The following ST3GAL5 variants were observed in gnomAD, a reference collection of about 807,000 sequenced individuals.
ST3GAL5 encodes the protein ST3 beta-galactoside alpha-2,3-sialyltransferase 5.
In ST3GAL5, 25 loss-of-function variants were observed where a neutral mutation model predicts 46.1. The observed-to-expected ratio is 0.54, with a 90% CI of 0.40 to 0.76. ST3GAL5 has a LOEUF of 0.76. Among genes scored for constraint, ST3GAL5 ranks in the 30% least tolerant of loss-of-function variants. ST3GAL5 has a pLI of 0.00. For synonymous variants in ST3GAL5, 182 were observed against 192.7 expected (o/e 0.94, Z 0.46); for missense variants, 431 against 521.2 (o/e 0.83, Z 1.69).
At chr2:85,888,791 C>A (rs1688062903) in intron 1 of ST3GAL5, 33 bp downstream of exon 1, 10 of 1,189,190 alleles carry the variant, frequency 8.4e-6, no homozygotes, top group Non-Finnish European at 1.0e-5. Flanking sequence ...CCGCGGGCCC[C>A]CGCGACGCCG....
At chr2:85,861,584 T>C (rs894979642) in intron 2 of ST3GAL5, among the ~76,000 whole-genome samples, 1 of 144,376 alleles carries the variant, frequency 6.9e-6, no homozygotes, top group Non-Finnish European at 1.5e-5. Flanking sequence ...AATCAAGTAA[T>C]AGACTTGAAC....
At chr2:85,842,240 G>A (rs187432098) in intron 6 of ST3GAL5, among the ~76,000 whole-genome samples, 1 of 152,236 alleles carries the variant, frequency 6.6e-6, no homozygotes, top group East Asian at 1.9e-4. Flanking sequence ...TTAACACAAA[G>A]GACACTTTCC....
intron 4 of ST3GAL5, 64 bp downstream of exon 4, chr2:85,847,797 A>AAAAAT (rs1682987353): frequency 6.4e-7 from 1 of 1,565,830 alleles, no homozygotes; most frequent in Non-Finnish European, 8.6e-7. Flanking sequence ...CCCTGCCTCA[A>AAAAAT]AAAATAAAAT....
chr2:85,851,683 CGAGT>C, intron 3 of ST3GAL5: 1 of 1,289,362 alleles, frequency 7.8e-7, no homozygotes, highest in Non-Finnish European at 1.0e-6. Context: ...TGCCTCAAGG[CGAGT>C]GCCGCACCTT....
intron 1 of ST3GAL5, among the ~76,000 whole-genome samples, chr2:85,870,699 G>A (rs185582075): frequency 3.3e-4 from 49 of 146,882 alleles, no homozygotes; most frequent in African/African-American, 1.1e-3. Context: ...TTTTTGAGAC[G>A]GAGTTTCGCT....
At chr2:85,869,003 G>C (rs111228120) in intron 1 of ST3GAL5, among the ~76,000 whole-genome samples, 6 of 152,158 alleles carry the variant, frequency 3.9e-5, no homozygotes, top group Non-Finnish European at 5.9e-5. Flanking sequence ...TAGGCGTAGA[G>C]GCATCTGGAA....
intron 6 of ST3GAL5, among the ~76,000 whole-genome samples, chr2:85,843,083 A>C (rs1682348573): frequency 6.6e-6 from 1 of 152,096 alleles, no homozygotes; most frequent in South Asian, 2.1e-4. Flanking sequence ...TTATTTTCTC[A>C]CTTAATATAC....
At chr2:85,871,381 T>C (rs1685908292) in intron 1 of ST3GAL5, among the ~76,000 whole-genome samples, 1 of 152,232 alleles carries the variant, frequency 6.6e-6, no homozygotes, top group African/African-American at 2.4e-5. Flanking sequence ...TTTCTGTATT[T>C]TCAATAATTC....
At chr2:85,870,059 A>T (rs1685749896) in intron 1 of ST3GAL5, 2 of 385,242 alleles carry the variant, frequency 5.2e-6, no homozygotes, top group African/African-American at 4.2e-5. Flanking sequence ...AACTACAGAC[A>T]TGCCCTACTT....
At chr2:85,844,599 G>C (rs911070381) in intron 5 of ST3GAL5, 45 bp from the exon 6 acceptor site, 1 of 1,611,832 alleles carries the variant, frequency 6.2e-7, no homozygotes, top group Non-Finnish European at 8.5e-7. Flanking sequence ...TTCTAGGGGA[G>C]GGGAGAAAGC....
At chr2:85,857,616 A>G (rs1226655731) in intron 3 of ST3GAL5, among the ~76,000 whole-genome samples, 1 of 152,066 alleles carries the variant, frequency 6.6e-6, no homozygotes, top group African/African-American at 2.4e-5. Flanking sequence ...GTGTGCCTAA[A>G]ATACATAGAG....
At chr2:85,886,988 A>G (rs1172248084) in intron 1 of ST3GAL5, among the ~76,000 whole-genome samples, 2 of 152,110 alleles carry the variant, frequency 1.3e-5, no homozygotes, top group African/African-American at 4.8e-5. Flanking sequence ...GCTCCTCAGG[A>G]GCCAGGAGGG....
At chr2:85,880,760 G>T (rs1342736992) in intron 1 of ST3GAL5, 1 of 444,156 alleles carries the variant, frequency 2.3e-6, no homozygotes, top group Non-Finnish European at 4.4e-6. Flanking sequence ...GGAGGCTGAG[G>T]TTGCAGTGAG....
At chr2:85,842,848 G>T (rs372228080) in intron 6 of ST3GAL5, among the ~76,000 whole-genome samples, 1 of 150,046 alleles carries the variant, frequency 6.7e-6, no homozygotes, top group African/African-American at 2.5e-5. Flanking sequence ...TGCAACCTCC[G>T]CCTCCCAGGT....
At chr2:85,874,935 T>C (rs1436531471) in intron 1 of ST3GAL5, among the ~76,000 whole-genome samples, 2 of 152,010 alleles carry the variant, frequency 1.3e-5, no homozygotes, top group Non-Finnish European at 2.9e-5. Context: ...ACCAGGCAGA[T>C]GGAAAACAGG....
In ST3GAL5 at chr2:85,848,519, G is replaced by T. The variant is rs1683100509; in HGVS notation, c.319-315C>A. The stretch of plus-strand genomic sequence containing the variant: ...ATTTGGGGTGAAAATGTACTTCGGG[G>T]TGTCTAAGACTTCATGTTTCATAAA... On this transcript the variant is annotated intron_variant, in intron 3 of 6. Transcript: ENST00000638572. The T allele has an allele frequency of 1.7e-5, 13 of 772,478 alleles. No individual in the cohort carries two copies. The South Asian group carries it at 1.8e-4, about 11-fold the overall frequency. 47.9% of individuals were successfully genotyped at this position (772,478 alleles called of 1,614,324 possible).
chr2:85,844,586 TC>T, intron 5 of ST3GAL5, 32 bp from the exon 6 acceptor site: 2 of 1,613,548 alleles, frequency 1.2e-6, no homozygotes, highest in East Asian at 2.2e-5. Context: ...TTGTTAGTCA[TC>T]CTTCTAGGGG....
At chr2:85,867,931 A>G (rs576772114) in intron 1 of ST3GAL5, 4 of 419,316 alleles carry the variant, frequency 9.5e-6, no homozygotes, top group African/African-American at 6.0e-5. Context: ...CCTCCACAGT[A>G]TAAGAGTTTG....
chr2:85,875,020 A>T (rs1410001095), intron 1 of ST3GAL5, among the ~76,000 whole-genome samples: 1 of 152,026 alleles, frequency 6.6e-6, no homozygotes, highest in African/African-American at 2.4e-5. Flanking sequence ...ATATAAAATG[A>T]CTGTCTCCCC....
Sources: allele counts gnomAD v4.1 joint callset (sites outside exome capture counted in the v4.1 genomes callset), GRCh38; gene constraint gnomAD v4.1.1; transcripts MANE v1.5; gene names NCBI Gene and HGNC (gene_info 2026-07-23, HGNC 2026-07-21).